Variants in FLT1 observed in about 807,000 individuals in gnomAD.
The protein encoded by FLT1 is fms related receptor tyrosine kinase 1.
A neutral mutation model predicts 156.3 loss-of-function variants in FLT1; 49 were observed. That is an observed-to-expected ratio of 0.31 (90% CI 0.25 to 0.40). The LOEUF (loss-of-function observed/expected upper bound fraction) is 0.40. Ranked by LOEUF, FLT1 falls within the 10% of genes least tolerant of loss-of-function variation. The pLI is 1.00. For missense variants in FLT1, 1,322 were observed against 1,637.2 expected (o/e 0.81, Z 3.32); for synonymous variants, 594 against 583.8 (o/e 1.02, Z -0.25).
intron 24 of FLT1, among the ~76,000 whole-genome samples, chr13:28,318,883 A>G (rs138882448): frequency 1.1e-4 from 17 of 152,310 alleles, no homozygotes; most frequent in African/African-American, 1.4e-4. Flanking sequence ...CAAGCAGAAT[A>G]AATACAACCA....
chr13:28,412,342 CTT>C (rs1217479245), intron 10 of FLT1, among the ~76,000 whole-genome samples: 2 of 76,734 alleles, frequency 2.6e-5, no homozygotes, highest in African/African-American at 8.2e-5. Context: ...TTCTTTCTTT[CTT>C]TCTTTCTCTT....
At position 28,431,200 on chromosome 13, in the gene FLT1, A is replaced by G. The variant is rs752354388; in HGVS notation, c.924T>C (p.Leu308=). 1 of 1,613,722 alleles carries G rather than the reference A, an allele frequency of 6.2e-7. No individual in the cohort carries two copies. Among genetic ancestry groups the G allele is most frequent in the Non-Finnish European group, 8.5e-7 (1 of 1,179,618 alleles). ...GTCCACTCCTTACACGACAAGTATA[A>G]AGTCCTTTGTCTTTGTTCTGCATTT... ...IDKMQNKDKG[L]YTCRVRSGPS... Residue 308 remains leucine, a synonymous_variant, in exon 7 of 30, where the codon CTT becomes CTC. Transcript: ENST00000282397.
chr13:28,474,434 C>T (rs1463626412), intron 1 of FLT1, among the ~76,000 whole-genome samples: 8 of 150,224 alleles, frequency 5.3e-5, no homozygotes, highest in African/African-American at 1.5e-4. Context: ...CAGCCCTGGG[C>T]GACAGAAACT....
chr13:28,435,318 C>T (rs920046685), intron 4 of FLT1, among the ~76,000 whole-genome samples: 1 of 152,164 alleles, frequency 6.6e-6, no homozygotes, highest in Non-Finnish European at 1.5e-5. Context: ...CTTCTGACAT[C>T]AAGAATGTAA....
intron 27 of FLT1, among the ~76,000 whole-genome samples, chr13:28,309,902 T>TC (rs1870927178): frequency 8.6e-6 from 1 of 116,646 alleles, no homozygotes; most frequent in East Asian, 2.1e-4. Flanking sequence ...TTTTTTTTTT[T>TC]TTTTGGAGAC....
intron 1 of FLT1, among the ~76,000 whole-genome samples, chr13:28,480,675 A>G (rs765246408): frequency 3.9e-5 from 6 of 152,156 alleles, no homozygotes; most frequent in Non-Finnish European, 8.8e-5. Flanking sequence ...ACAGTTTCAC[A>G]TACATTTCCT....
At chr13:28,412,307 C>CTTTCTTTCTGTCTT (rs1320043849) in intron 10 of FLT1, among the ~76,000 whole-genome samples, 1 of 53,564 alleles carries the variant, frequency 1.9e-5, no homozygotes, top group Non-Finnish European at 4.5e-5. Flanking sequence ...TTTTCTCTTT[C>CTTTCTTTCTGTCTT]TCTTTCTTTC....
intron 12 of FLT1, among the ~76,000 whole-genome samples, chr13:28,391,607 G>C (rs534177905): frequency 3.4e-4 from 51 of 152,118 alleles, no homozygotes; most frequent in Non-Finnish European, 6.6e-4. Flanking sequence ...CGCCACCTTG[G>C]GCACATGTTG....
At position 28,431,219 on chromosome 13, in the gene FLT1, T is replaced by A. The variant is rs1340504868; in HGVS notation, c.905A>T (p.Gln302Leu). The change falls in exon 7 of 30, where the codon CAG becomes CTG. Residue 302 changes from glutamine to leucine, a missense_variant. Gln to Leu is a moderately radical substitution (Grantham distance 113). This residue lies in a region of FLT1 where 991 missense variants were observed against 1,254.8 expected (regional missense o/e 0.79). Transcript: ENST00000282397. ...AGTATAAAGTCCTTTGTCTTTGTTC[T>A]GCATTTTGTCAATAGTAAGAACACT... Reference protein sequence around the residue: ...FYSVLTIDKMQNKDKGLYTCR... With the variant: ...FYSVLTIDKMLNKDKGLYTCR... 6.2e-7 allele frequency: 1 copy of A among 1,613,790 alleles called. No individual in the cohort carries two copies. The highest frequency in any genetic ancestry group is 2.2e-5 in the East Asian group (1 of 44,876).
intron 17 of FLT1, 79 bp downstream of exon 17, chr13:28,339,089 C>T (rs1216068232): frequency 1.1e-5 from 16 of 1,396,472 alleles, no homozygotes; most frequent in African/African-American, 5.7e-5. Flanking sequence ...AGTTTACTTT[C>T]GCATCTCTCA....
chr13:28,410,453 C>G (rs1876095305), intron 10 of FLT1, among the ~76,000 whole-genome samples: 1 of 152,154 alleles, frequency 6.6e-6, no homozygotes, highest in African/African-American at 2.4e-5. Context: ...GTTATGGTAC[C>G]CAAGACTCCT....
At chr13:28,323,632 C>T (rs573672526) in intron 20 of FLT1, among the ~76,000 whole-genome samples, 1 of 137,496 alleles carries the variant, frequency 7.3e-6, no homozygotes, top group East Asian at 2.1e-4. Flanking sequence ...GCCTGGCCAA[C>T]GAGAGCAAAA....
chr13:28,303,112 T>C lies in FLT1; in HGVS notation c.*55A>G. ...ATGCATAATACTGGCAAAAGCTAGTTTCCTGGGGGTATAAATACACATGTG... is the reference window on the plus strand; with the variant it reads ...ATGCATAATACTGGCAAAAGCTAGTCTCCTGGGGGTATAAATACACATGTG... On this transcript the variant is annotated 3_prime_UTR_variant, in exon 30 of 30. Transcript: ENST00000282397. The C allele has an allele frequency of 4.6e-6, 7 of 1,520,264 alleles. No homozygotes were observed. The highest frequency in any genetic ancestry group is 6.3e-6 in the Non-Finnish European group (7 of 1,106,498). The allele number at this position is 1,520,264 out of a possible 1,614,324, so 94.2% of individuals were successfully genotyped here. A position where few individuals can be genotyped will look rare whatever the true frequency, so the allele number is the denominator to read the frequency against.
intron 10 of FLT1, among the ~76,000 whole-genome samples, chr13:28,421,415 T>A (rs1412126164): frequency 6.6e-6 from 1 of 152,188 alleles, no homozygotes; most frequent in Non-Finnish European, 1.5e-5. Flanking sequence ...GCTTTAGAGC[T>A]AACTGGGCAG....
chr13:28,307,994 A>C (rs556602694), intron 28 of FLT1, among the ~76,000 whole-genome samples: 1 of 152,240 alleles, frequency 6.6e-6, no homozygotes, highest in Non-Finnish European at 1.5e-5. Flanking sequence ...GGATGGTCTC[A>C]ATCTCCTGAC....
intron 1 of FLT1, among the ~76,000 whole-genome samples, chr13:28,471,684 G>A (rs1880190129): frequency 6.6e-6 from 1 of 152,150 alleles, no homozygotes; most frequent in Non-Finnish European, 1.5e-5. Context: ...CAAGGGTGGA[G>A]TGCTATAATT....
intron 14 of FLT1, among the ~76,000 whole-genome samples, chr13:28,359,735 T>C (rs551901164): frequency 2.0e-5 from 3 of 152,010 alleles, no homozygotes; most frequent in Non-Finnish European, 4.4e-5. Flanking sequence ...AGAAATCAAA[T>C]AGACATTTTT....
At position 28,336,974 on chromosome 13, in the gene FLT1, CTGACCTCAGG is replaced by C. The variant is rs1380302037; in HGVS notation, c.2488+2184_2488+2193del. ...TGTTGGCCAGGCTGGTCTCGAACTCCTGACCTCAGGTGACCCACCCACCTCAGCCTCCCAA... is the reference window on the plus strand; with the variant it reads ...TGTTGGCCAGGCTGGTCTCGAACTCCTGACCCACCCACCTCAGCCTCCCAA... On this transcript the variant is annotated intron_variant, in intron 17 of 29. Coordinates refer to ENST00000282397, the MANE Select transcript of FLT1 (RefSeq NM_002019.4). 2.6e-5 allele frequency among the ~76,000 whole-genome samples: 4 copies of C among 152,088 alleles called. No individual in the cohort carries two copies. In the East Asian group the frequency reaches 5.8e-4, roughly 22 times the overall value.
At chr13:28,443,913 C>T (rs1006064181) in intron 3 of FLT1, among the ~76,000 whole-genome samples, 4 of 152,140 alleles carry the variant, frequency 2.6e-5, no homozygotes, top group African/African-American at 9.7e-5. Flanking sequence ...ATACTAACAT[C>T]AGACAAAATA....
Sources: gnomAD v4.1 joint callset for allele counts (sites outside exome capture counted in the v4.1 genomes callset) on GRCh38, gnomAD v4.1.1 for gene constraint, gnomAD v4.1.1 regional missense constraint, MANE v1.5 for transcripts, NCBI Gene and HGNC (gene_info 2026-07-23, HGNC 2026-07-21) for gene names.